Variants in ACVR2A observed in about 807,000 individuals in gnomAD.
ACVR2A encodes activin A receptor type 2A.
Under a neutral mutation model 61.4 loss-of-function variants are expected in ACVR2A, and 7 were observed. The ratio of observed to expected loss-of-function variants is 0.11; its 90% CI spans 0.06 to 0.21. ACVR2A has a LOEUF of 0.21. Ranked by LOEUF, ACVR2A falls within the 10% of genes least tolerant of loss-of-function variation. The pLI is 1.00. For synonymous variants in ACVR2A, 193 were observed against 208.3 expected (o/e 0.93, Z 0.63); for missense variants, 322 against 621.7 (o/e 0.52, Z 5.13).
chr2:147,910,261 G>A (rs1401091011), intron 4 of ACVR2A, among the ~76,000 whole-genome samples: 2 of 151,944 alleles, frequency 1.3e-5, no homozygotes, highest in African/African-American at 4.8e-5. Context: ...TAAGATGTAT[G>A]GATAGCACCT....
At chr2:147,849,034 C>T (rs549834361) in intron 1 of ACVR2A, among the ~76,000 whole-genome samples, 1 of 152,122 alleles carries the variant, frequency 6.6e-6, no homozygotes, top group East Asian at 1.9e-4. Flanking sequence ...ACTATAGATA[C>T]GCACATTCTT....
intron 4 of ACVR2A, among the ~76,000 whole-genome samples, chr2:147,903,634 T>G (rs1686922491): frequency 6.6e-6 from 1 of 151,970 alleles, no homozygotes; most frequent in African/African-American, 2.4e-5. Context: ...TCTTTGTCTT[T>G]TGGTACTTTC....
At chr2:147,853,961 A>C (rs1248032037) in intron 1 of ACVR2A, among the ~76,000 whole-genome samples, 1 of 152,170 alleles carries the variant, frequency 6.6e-6, no homozygotes, top group Non-Finnish European at 1.5e-5. Context: ...AAGATGTATT[A>C]AATGAATTGA....
chr2:147,913,142 G>A (rs1440727089), intron 4 of ACVR2A, among the ~76,000 whole-genome samples: 1 of 151,306 alleles, frequency 6.6e-6, no homozygotes, highest in Non-Finnish European at 1.5e-5. Context: ...TAAAATTAAT[G>A]TTATACTAAA....
At chr2:147,906,640 C>T (rs1028935550) in intron 4 of ACVR2A, among the ~76,000 whole-genome samples, 3 of 152,082 alleles carry the variant, frequency 2.0e-5, no homozygotes, top group Admixed American at 1.3e-4. Flanking sequence ...CAAAATTGAA[C>T]TCAAACAGAA....
chr2:147,920,236 C>G lies in ACVR2A; in HGVS notation c.969C>G (p.Ile323Met), dbSNP rs770165190. The change falls in exon 8 of 11, where the codon ATC (isoleucine) becomes ATG (methionine). Residue 323 changes from isoleucine (I) to methionine (M), a missense_variant. By Grantham distance (10) the Ile-to-Met change is conservative (BLOSUM62 1). Transcript: ENST00000241416. ...GHKPAISHRDIKSKNVLLKNN... is the reference protein window; with the variant it reads ...GHKPAISHRDMKSKNVLLKNN... ...TACTCTTTTTATTTGCAAGGGACAT[C>G]AAAAGTAAAAATGTGCTGTTGAAAA... The G allele has an allele frequency of 6.2e-7, 1 of 1,611,208 alleles. No individual in the cohort carries two copies. Among genetic ancestry groups the G allele is most frequent in the South Asian group, 1.1e-5 (1 of 90,744 alleles).
At chr2:147,863,757 T>A (rs1685785817) in intron 1 of ACVR2A, among the ~76,000 whole-genome samples, 1 of 152,238 alleles carries the variant, frequency 6.6e-6, no homozygotes, top group East Asian at 1.9e-4. Context: ...TGTTTGAGGG[T>A]TGTTTGAGGG....
intron 4 of ACVR2A, among the ~76,000 whole-genome samples, chr2:147,902,322 C>G (rs1027076106): frequency 2.0e-5 from 3 of 151,772 alleles, no homozygotes; most frequent in Non-Finnish European, 4.4e-5. Context: ...AAAATCTGAC[C>G]CAAGGACTCT....
At chr2:147,918,721 G>GT (rs1423718891) in intron 7 of ACVR2A, 129 bp downstream of exon 7, 1 of 794,506 alleles carries the variant, frequency 1.3e-6, no homozygotes, top group African/African-American at 1.8e-5. Flanking sequence ...GTTTTCATTT[G>GT]TTTTTTAAAA....
At chr2:147,853,159 G>A (rs905204948) in intron 1 of ACVR2A, among the ~76,000 whole-genome samples, 1 of 151,970 alleles carries the variant, frequency 6.6e-6, no homozygotes, top group Non-Finnish European at 1.5e-5. Flanking sequence ...AACTAAAAAA[G>A]TTTACAGATA....
At chr2:147,860,117 G>A (rs1287636068) in intron 1 of ACVR2A, among the ~76,000 whole-genome samples, 1 of 152,156 alleles carries the variant, frequency 6.6e-6, no homozygotes, top group South Asian at 2.1e-4. Context: ...TGTAAGAAAG[G>A]AGGGATTTCA....
At chr2:147,885,428 A>G (rs972996138) in intron 1 of ACVR2A, among the ~76,000 whole-genome samples, 1 of 152,158 alleles carries the variant, frequency 6.6e-6, no homozygotes, top group African/African-American at 2.4e-5. Flanking sequence ...AAGTTTAAAC[A>G]AATTAGAAAT....
At chr2:147,857,089 A>G (rs1573913344) in intron 1 of ACVR2A, among the ~76,000 whole-genome samples, 1 of 152,180 alleles carries the variant, frequency 6.6e-6, no homozygotes, top group East Asian at 1.9e-4. Flanking sequence ...ATGCTTAGGA[A>G]GAATAAACTA....
intron 6 of ACVR2A, 54 bp downstream of exon 6, chr2:147,917,480 A>G (rs977184856): frequency 1.9e-6 from 3 of 1,576,162 alleles, no homozygotes; most frequent in Admixed American, 1.8e-5. Flanking sequence ...CTGCCTACCT[A>G]ATGCTGGCTA....
chr2:147,920,592 A>G (rs1365771086), intron 8 of ACVR2A, among the ~76,000 whole-genome samples: 1 of 152,174 alleles, frequency 6.6e-6, no homozygotes, highest in Non-Finnish European at 1.5e-5. Flanking sequence ...TTGATCAAAG[A>G]ATAATCCACC....
At chr2:147,881,451 G>A (rs943059535) in intron 1 of ACVR2A, among the ~76,000 whole-genome samples, 1 of 151,914 alleles carries the variant, frequency 6.6e-6, no homozygotes, top group African/African-American at 2.4e-5. Flanking sequence ...TTTTCTGCCT[G>A]TACATCAGTG....
At chr2:147,902,376 C>CT (rs1686889721) in intron 4 of ACVR2A, among the ~76,000 whole-genome samples, 1 of 151,956 alleles carries the variant, frequency 6.6e-6, no homozygotes, top group African/African-American at 2.4e-5. Context: ...TGTTCTGCCT[C>CT]TTTTTTCATA....
chr2:147,845,855 A>C (rs968537287), intron 1 of ACVR2A, among the ~76,000 whole-genome samples: 3 of 152,188 alleles, frequency 2.0e-5, no homozygotes, highest in African/African-American at 4.8e-5. Flanking sequence ...CTGGCGTTCA[A>C]CCACCATTTG....
chr2:147,845,220 AGCGCG>A lies in ACVR2A; in HGVS notation c.55+20_55+24del, dbSNP rs916617909. ...TCCTGTTCTTCAGGTAGGTGCAGGGAGCGCGGCGCGGTGGGGCTGCTCCTGCGGCC... is the reference window on the plus strand; with the variant it reads ...TCCTGTTCTTCAGGTAGGTGCAGGGAGCGCGGTGGGGCTGCTCCTGCGGCC... On this transcript the variant is annotated intron_variant, in intron 1 of 10. Transcript: ENST00000241416. The A allele has an allele frequency of 8.1e-6, 13 of 1,610,140 alleles. No individual in the cohort carries two copies. In the African/African-American group the frequency reaches 1.8e-4, roughly 22 times the overall value.
Sources: gnomAD v4.1 joint callset for allele counts (sites outside exome capture counted in the v4.1 genomes callset) on GRCh38, gnomAD v4.1.1 for gene constraint, MANE v1.5 for transcripts, NCBI Gene and HGNC (gene_info 2026-07-23, HGNC 2026-07-21) for gene names.